Variants in ASTN1 observed in about 807,000 individuals in gnomAD.
ASTN1 encodes astrotactin-1.
ASTN1 carries 41 observed loss-of-function variants against 140.7 expected under a neutral mutation model. The observed-to-expected ratio is 0.29, with a 90% CI of 0.23 to 0.38. The LOEUF (loss-of-function observed/expected upper bound fraction) is 0.38, where lower values mean the gene tolerates loss of function less well. ASTN1 is among the 10% of genes least tolerant of loss of function. The probability of loss-of-function intolerance (pLI) is 1.00; values close to 1 mark genes in which losing one functional copy is unlikely to be tolerated. For synonymous variants in ASTN1, 640 were observed against 652.2 expected (o/e 0.98, Z 0.29); for missense variants, 1,479 against 1,678.8 (o/e 0.88, Z 2.08).
chr1:177,102,197 G>C (rs1680333852), intron 1 of ASTN1, among the ~76,000 whole-genome samples: 1 of 152,158 alleles, frequency 6.6e-6, no homozygotes, highest in African/African-American at 2.4e-5. Context: ...TATCCTCAAG[G>C]TTAAATAAGG....
intron 21 of ASTN1, 114 bp from the exon 22 acceptor site, chr1:176,869,141 A>G (rs1354831925): frequency 3.0e-6 from 2 of 672,484 alleles, no homozygotes; most frequent in Non-Finnish European, 4.4e-6. Flanking sequence ...AAACATATGT[A>G]GATCATTTAT....
At chr1:177,094,520 C>A (rs971454234) in intron 1 of ASTN1, among the ~76,000 whole-genome samples, 1 of 152,172 alleles carries the variant, frequency 6.6e-6, no homozygotes, top group Non-Finnish European at 1.5e-5. Context: ...CAGTGAGAAG[C>A]CACCATCTTT....
chr1:177,045,027 C>A (rs1340606382), intron 2 of ASTN1, among the ~76,000 whole-genome samples: 4 of 151,816 alleles, frequency 2.6e-5, no homozygotes, highest in East Asian at 1.9e-4. Context: ...TATCCCTGAA[C>A]CTTTGTTCTC....
intron 21 of ASTN1, 91 bp from the exon 22 acceptor site, chr1:176,869,118 AC>A: frequency 1.6e-5 from 14 of 884,224 alleles, no homozygotes; most frequent in Non-Finnish European, 1.9e-5. Context: ...TATCATATAG[AC>A]ATATCACATA....
At position 177,008,262 on chromosome 1, in the gene ASTN1, C is replaced by T. The variant is rs1392292059; in HGVS notation, c.1523+6529G>A. ...GCAGGGCACCTCTAGAGAGAAGAAACAGAACTTTAGGTTTAATTCCAAGAG... is the reference window on the plus strand; with the variant it reads ...GCAGGGCACCTCTAGAGAGAAGAAATAGAACTTTAGGTTTAATTCCAAGAG... On this transcript the variant is annotated intron_variant, in intron 8 of 22. Transcript: ENST00000361833. Among the ~76,000 whole-genome samples the T allele has an allele frequency of 7.9e-5, 12 of 152,132 alleles. No homozygotes were observed. The South Asian group carries it at 2.5e-3, about 32-fold the overall frequency.
At chr1:176,991,173 T>G (rs985791052) in intron 8 of ASTN1, among the ~76,000 whole-genome samples, 2 of 151,976 alleles carry the variant, frequency 1.3e-5, no homozygotes, top group Non-Finnish European at 2.9e-5. Flanking sequence ...TGTGGGAGGC[T>G]GAGGCAGGCA....
At chr1:177,154,809 A>G (rs976243149) in intron 1 of ASTN1, among the ~76,000 whole-genome samples, 4 of 152,182 alleles carry the variant, frequency 2.6e-5, no homozygotes, top group African/African-American at 9.6e-5. Flanking sequence ...AAGGGCTTTC[A>G]GAGACCTATA....
At chr1:176,867,936 T>G (rs1476600341) in intron 22 of ASTN1, among the ~76,000 whole-genome samples, 1 of 152,030 alleles carries the variant, frequency 6.6e-6, no homozygotes, top group Non-Finnish European at 1.5e-5. Context: ...CCTTCCTTCC[T>G]TCCTTCCTTG....
intron 1 of ASTN1, among the ~76,000 whole-genome samples, chr1:177,089,169 TAA>T (rs1477591552): frequency 3.9e-5 from 6 of 152,164 alleles, no homozygotes; most frequent in Non-Finnish European, 7.3e-5. Context: ...GCTGACGCCC[TAA>T]TCTCATCAAT....
At chr1:177,163,054 C>T (rs1647480766) in intron 1 of ASTN1, among the ~76,000 whole-genome samples, 1 of 152,154 alleles carries the variant, frequency 6.6e-6, no homozygotes, top group South Asian at 2.1e-4. Flanking sequence ...GGTTTATTCA[C>T]TCACTTCCTA....
rs775098671 is a variant in ASTN1, at chr1:176,888,161, G to C, written c.2984C>G (p.Thr995Ser). 1 of 1,614,118 alleles carries C rather than the reference G, an allele frequency of 6.2e-7. No homozygotes were observed. The highest frequency in any genetic ancestry group is 2.2e-5 in the East Asian group (1 of 44,872). ...ATMSSLWCSG[T>S]GDVIEDWCRC... ...ACACCAGTCCTCGATGACATCTCCA[G>C]TCCCTGAGCACCAGAGAGAGCTCAT... Residue 995 changes from threonine to serine, a missense_variant, in exon 18 of 23, where the codon ACT (threonine) becomes AGT (serine). Coordinates refer to ENST00000361833, the MANE Select transcript of ASTN1 (RefSeq NM_004319.3).
At chr1:177,106,892 T>C (rs1191443906) in intron 1 of ASTN1, among the ~76,000 whole-genome samples, 5 of 152,142 alleles carry the variant, frequency 3.3e-5, no homozygotes, top group East Asian at 1.9e-4. Context: ...GGAAATCATA[T>C]ACAGAAGGCA....
chr1:177,149,830 C>T (rs542823217), intron 1 of ASTN1, among the ~76,000 whole-genome samples: 39 of 115,642 alleles, frequency 3.4e-4, no homozygotes, highest in Non-Finnish European at 6.0e-4. Context: ...AGTGTATATA[C>T]ATAGTAAATA....
At chr1:177,158,542 C>T (rs972851818) in intron 1 of ASTN1, among the ~76,000 whole-genome samples, 5 of 152,090 alleles carry the variant, frequency 3.3e-5, no homozygotes, top group Admixed American at 2.6e-4. Context: ...ATGAAGACTT[C>T]GTATGTCCCT....
At chr1:177,077,011 T>C (rs949128168) in intron 1 of ASTN1, among the ~76,000 whole-genome samples, 3 of 152,176 alleles carry the variant, frequency 2.0e-5, no homozygotes, top group Non-Finnish European at 4.4e-5. Flanking sequence ...TCAGTTTTCC[T>C]GGAATTGAGG....
rs551770993 is a variant in ASTN1 at position 176,957,368 on chromosome 1, G to T, written c.1887+310C>A. Among the ~76,000 whole-genome samples, 18 of 152,020 alleles carry T rather than the reference G, an allele frequency of 1.2e-4. No individual in the cohort carries two copies. In the South Asian group the frequency reaches 3.5e-3, roughly 30 times the overall value. On this transcript the variant is annotated intron_variant, in intron 11 of 22. Coordinates refer to ENST00000361833, the MANE Select transcript of ASTN1 (RefSeq NM_004319.3). ...CTTTCATCACTCTAGCTTTAGGTAG[G>T]TTTCTCCTAAAATTTTCTATTACAT...
intron 1 of ASTN1, among the ~76,000 whole-genome samples, chr1:177,097,510 C>T (rs537716902): frequency 7.9e-5 from 12 of 152,204 alleles, no homozygotes; most frequent in Admixed American, 2.6e-4. Flanking sequence ...AATAGTACTA[C>T]GATATCATGA....
intron 18 of ASTN1, among the ~76,000 whole-genome samples, chr1:176,884,925 A>G (rs2103028827): frequency 6.6e-6 from 1 of 152,352 alleles, no homozygotes; most frequent in Admixed American, 6.5e-5. Context: ...TCTCAAATTA[A>G]TAAGGCCACA....
At chr1:176,965,330 C>T in intron 8 of ASTN1, 93 bp from the exon 9 acceptor site, 1 of 1,272,342 alleles carries the variant, frequency 7.9e-7, no homozygotes, top group African/African-American at 1.5e-5. Context: ...GTGGTAGACA[C>T]CCAGCCATCC....
Sources: gnomAD v4.1 joint callset for allele counts (sites outside exome capture counted in the v4.1 genomes callset) on GRCh38, gnomAD v4.1.1 for gene constraint, MANE v1.5 for transcripts, NCBI Gene and HGNC (gene_info 2026-07-23, HGNC 2026-07-21) for gene names.